SAMD8: variants seen among roughly 807,000 people sequenced by gnomAD.
SAMD8 encodes the protein sphingomyelin synthase-related protein 1.
Under a neutral mutation model 42.0 loss-of-function variants are expected in SAMD8, and 20 were observed. The ratio of observed to expected loss-of-function variants is 0.48; its 90% CI spans 0.34 to 0.69. SAMD8 has a LOEUF of 0.69. Among genes scored for constraint, SAMD8 ranks in the 30% least tolerant of loss-of-function variants. The pLI is 0.01. For synonymous variants in SAMD8, 162 were observed against 173.0 expected (o/e 0.94, Z 0.50); for missense variants, 328 against 511.6 (o/e 0.64, Z 3.46).
Position 75,150,895 on chromosome 10 carries a change from A to T in SAMD8, c.367A>T (p.Ile123Leu), listed in dbSNP as rs1282387055. 6.2e-7 allele frequency: 1 copy of T among 1,612,674 alleles called. No homozygotes were observed. The highest frequency in any genetic ancestry group is 1.7e-5 in the Admixed American group (1 of 59,852). Residue 123 changes from isoleucine to leucine, a missense_variant, in exon 2 of 6, where the codon ATA becomes TTA. Transcript: ENST00000542569. ...GCTTTCCCATGACTGTGACGGACCC[A>T]TAACTGACTTGAATTCTGATCAGTA... is the stretch of plus-strand genomic sequence containing the variant. ...GELSHDCDGP[I>L]TDLNSDQYQY...
In SAMD8 at chr10:75,142,678, G is replaced by T. The variant is rs112744972; in HGVS notation, c.-15-7836G>T. Among the ~76,000 whole-genome samples the T allele has an allele frequency of 3.3e-3, 507 of 151,914 alleles. 1 individual carries two copies. Among genetic ancestry groups the T allele is most frequent in the African/African-American group, 0.012 (484 of 41,490 alleles). ...TCTCGATCTCTTGACCATGTGATCC[G>T]CCCGCCTCGGCCTCCCAAAGTGCTG... On this transcript the variant is annotated intron_variant, in intron 1 of 5. Transcript: ENST00000542569.
chr10:75,126,499 C>CTTTTTTT (rs779589994), intron 1 of SAMD8, among the ~76,000 whole-genome samples: 7 of 115,552 alleles, frequency 6.1e-5, no homozygotes, highest in East Asian at 2.4e-4. Context: ...AGTGCTTTTG[C>CTTTTTTT]TTTTTTTTTT....
exon 1 of SAMD8, chr10:75,099,624 C>G: frequency 1.9e-6 from 2 of 1,075,698 alleles, no homozygotes; most frequent in Non-Finnish European, 2.4e-6. Flanking sequence ...AGTGGGCCCT[C>G]CGGTCCCTCT....
upstream of SAMD8, chr10:75,108,106 C>T (rs761985911): frequency 3.0e-5 from 48 of 1,613,726 alleles, no homozygotes; most frequent in Non-Finnish European, 3.4e-5. Context: ...ACACTGCTGC[C>T]GTAGAAGTCA....
At chr10:75,111,407 C>G, upstream of SAMD8, 4 of 842,886 alleles carry the variant, frequency 4.7e-6, no homozygotes, top group Non-Finnish European at 6.3e-6. Flanking sequence ...TCGGGCCCAT[C>G]TGGAGCCTCG....
chr10:75,133,264 G>A (rs577345939), intron 1 of SAMD8, among the ~76,000 whole-genome samples: 25 of 152,070 alleles, frequency 1.6e-4, no homozygotes, highest in African/African-American at 4.3e-4. Context: ...TTAGCTAGGC[G>A]TGGTGGTGCG....
upstream of SAMD8, among the ~76,000 whole-genome samples, chr10:75,110,857 C>T (rs1207793593): frequency 6.6e-6 from 1 of 152,122 alleles, no homozygotes; most frequent in African/African-American, 2.4e-5. Flanking sequence ...CTCTTGTCGC[C>T]CAGGCTGGAG....
In SAMD8 at chr10:75,117,420, TA is replaced by T. The variant is rs56378736; in HGVS notation, c.-16+5710del. Among the ~76,000 whole-genome samples the T allele has an allele frequency of 5.8e-3, 801 of 138,874 alleles. 2 individuals carry two copies. Among genetic ancestry groups the T allele is most frequent in the African/African-American group, 0.012 (447 of 37,882 alleles). The allele number at this position is 138,874 out of a possible 152,430, so 91.1% of individuals were successfully genotyped here. A position where few individuals can be genotyped will look rare whatever the true frequency, so the allele number is the denominator to read the frequency against. ...CTGGGTAAAGAGTGAGGCCCTATCT[TA>T]AAAAAAAAAAAGGGTGGGCGTGATG... On this transcript the variant is annotated intron_variant, in intron 1 of 5. Transcript: ENST00000542569.
chr10:75,129,340 A>C (rs1849221373), intron 1 of SAMD8, among the ~76,000 whole-genome samples: 2 of 152,116 alleles, frequency 1.3e-5, no homozygotes, highest in Admixed American at 1.3e-4. Context: ...TCCCTGGTTC[A>C]AGTGATTCTC....
rs763506804 is a variant in SAMD8, at chr10:75,164,702, C to G, written c.636C>G (p.Cys212Trp). ...CGGAAGTATGTGGCATGATTCTGTG[C>G]TATATTTGGCTCCTGGTTCTTCTTC... Reference protein sequence around the residue: ...AMTEVCGMILCYIWLLVLLLH... With the variant: ...AMTEVCGMILWYIWLLVLLLH... The change falls in exon 3 of 6, where the codon TGC becomes TGG. Residue 212 changes from cysteine (C) to tryptophan (W), a missense_variant. Physicochemically the swap from Cys to Trp is radical, Grantham distance 215. Transcript: ENST00000542569. 6.8e-6 allele frequency: 11 copies of G among 1,614,058 alleles called. No homozygotes were observed. The highest frequency in any genetic ancestry group is 9.3e-6 in the Non-Finnish European group (11 of 1,179,962).
intron 1 of SAMD8, among the ~76,000 whole-genome samples, chr10:75,129,563 T>G (rs1210232793): frequency 6.6e-6 from 1 of 152,204 alleles, no homozygotes; most frequent in Non-Finnish European, 1.5e-5. Flanking sequence ...TTAAAATGAT[T>G]AGCTAGTTTC....
intron 1 of SAMD8, among the ~76,000 whole-genome samples, chr10:75,127,448 C>T (rs1355004902): frequency 3.3e-5 from 5 of 152,138 alleles, no homozygotes; most frequent in African/African-American, 1.2e-4. Flanking sequence ...TCAGTTGTCA[C>T]ATCTATAAAA....
intron 1 of SAMD8, among the ~76,000 whole-genome samples, chr10:75,144,273 A>T (rs1230448283): frequency 6.6e-6 from 1 of 152,072 alleles, no homozygotes; most frequent in East Asian, 1.9e-4. Context: ...GGCTGAAATG[A>T]TTTTTTTATA....
At chr10:75,154,604 T>C (rs144870631) in intron 2 of SAMD8, among the ~76,000 whole-genome samples, 1 of 152,326 alleles carries the variant, frequency 6.6e-6, no homozygotes, top group Non-Finnish European at 1.5e-5. Context: ...CACTGGAAAG[T>C]ACTGAGGACA....
chr10:75,106,499 C>T (rs371293243), intron 1 of SAMD8, among the ~76,000 whole-genome samples: 1 of 152,166 alleles, frequency 6.6e-6, no homozygotes, highest in African/African-American at 2.4e-5. Flanking sequence ...CTTGACCGCT[C>T]AAAGTATTGC....
chr10:75,101,135 C>T (rs1848132873), intron 1 of SAMD8, among the ~76,000 whole-genome samples: 1 of 152,196 alleles, frequency 6.6e-6, no homozygotes. Flanking sequence ...CAGTGGGGAA[C>T]AGCTGTGGGT....
intron 1 of SAMD8, among the ~76,000 whole-genome samples, chr10:75,141,448 T>G (rs181151153): frequency 9.9e-5 from 15 of 152,248 alleles, no homozygotes; most frequent in South Asian, 8.3e-4. Context: ...GTAACTGTTT[T>G]TGGTATAGTC....
chr10:75,148,659 C>T (rs1377935661), intron 1 of SAMD8, among the ~76,000 whole-genome samples: 1 of 152,080 alleles, frequency 6.6e-6, no homozygotes, highest in Non-Finnish European at 1.5e-5. Context: ...GGCCGCAGTA[C>T]CAGCTTTTAA....
intron 3 of SAMD8, among the ~76,000 whole-genome samples, chr10:75,167,566 G>T (rs1425765738): frequency 6.6e-6 from 1 of 152,012 alleles, no homozygotes; most frequent in African/African-American, 2.4e-5. Flanking sequence ...TGGAATCACA[G>T]GTGTTTAACT....
Sources: allele counts gnomAD v4.1 joint callset (sites outside exome capture counted in the v4.1 genomes callset), GRCh38; gene constraint gnomAD v4.1.1; transcripts MANE v1.5; gene names NCBI Gene and HGNC (gene_info 2026-07-23, HGNC 2026-07-21).